Variants in INTS2 observed in about 807,000 individuals in gnomAD.
INTS2 encodes the protein integrator complex subunit 2.
A neutral mutation model predicts 139.6 loss-of-function variants in INTS2; 57 were observed. The observed-to-expected ratio is 0.41, with a 90% CI of 0.33 to 0.51. The LOEUF is 0.51. Ranked by LOEUF, INTS2 falls within the 20% of genes least tolerant of loss-of-function variation. The pLI, the probability that INTS2 is intolerant of heterozygous loss-of-function variation, is 0.28. For synonymous variants in INTS2, 473 were observed against 493.4 expected (o/e 0.96, Z 0.55); for missense variants, 1,196 against 1,436.7 (o/e 0.83, Z 2.71).
chr17:61,907,683 A>G lies in INTS2; in HGVS notation c.955-49T>C, dbSNP rs1339586079. On this transcript the variant is annotated intron_variant, in intron 7 of 24. Transcript: ENST00000251334. ...AGGAAGAAAGCATGAAGCATTTACT[A>G]AACTAAAAGGGAGCTAAAACATAGC... 3 of 1,465,860 alleles carry G rather than the reference A, an allele frequency of 2.0e-6. No individual in the cohort carries two copies. The Admixed American group carries it at 6.0e-5, about 29-fold the overall frequency. 90.8% of individuals were successfully genotyped at this position (1,465,860 alleles called of 1,614,324 possible).
In INTS2 at chr17:61,876,733, G is replaced by A. The variant is rs889704133; in HGVS notation, c.2456+1154C>T. Among the ~76,000 whole-genome samples, 4 of 152,052 alleles carry A rather than the reference G, an allele frequency of 2.6e-5. No homozygotes were observed. Among genetic ancestry groups the A allele is most frequent in the South Asian group, 2.1e-4 (1 of 4,816 alleles). On this transcript the variant is annotated intron_variant, in intron 18 of 24. Transcript: ENST00000251334. This position sits in a 1 kb window ranked among gnomAD's most constrained non-coding sequence, Gnocchi z 4.1. The stretch of plus-strand genomic sequence containing the variant: ...GCTAAGATTACAGGTGTGGGCCAGT[G>A]CACCCAGCCAAAAAAATGTTAATGA...
chr17:61,902,264 C>T (rs1292216210), intron 9 of INTS2, among the ~76,000 whole-genome samples: 1 of 152,088 alleles, frequency 6.6e-6, no homozygotes, highest in African/African-American at 2.4e-5. Context: ...AACCTGGAAA[C>T]TCATGTCTCT....
intron 5 of INTS2, among the ~76,000 whole-genome samples, chr17:61,916,245 T>C (rs1603382877): frequency 6.6e-6 from 1 of 151,888 alleles, no homozygotes; most frequent in South Asian, 2.1e-4. Flanking sequence ...CCATCCTGGC[T>C]AACACAGTGA....
At chr17:61,886,093 C>G (rs2079226248) in intron 15 of INTS2, among the ~76,000 whole-genome samples, 1 of 152,040 alleles carries the variant, frequency 6.6e-6, no homozygotes, top group African/African-American at 2.4e-5. Context: ...CTCTGTCACC[C>G]AGGCTGGTAT....
Position 61,872,775 on chromosome 17 carries a change from A to G in INTS2, c.2583-315T>C, listed in dbSNP as rs73332559. Among the ~76,000 whole-genome samples the G allele has an allele frequency of 4.5e-3, 678 of 152,350 alleles. 3 individuals carry two copies. Among genetic ancestry groups the G allele is most frequent in the African/African-American group, 0.016 (645 of 41,572 alleles). ...GAAGAAAAACTGTAATACACGTACA[A>G]AAAGCTGATATCCTTTATAGATAAA... On this transcript the variant is annotated intron_variant, in intron 19 of 24. Coordinates refer to ENST00000251334, the MANE Select transcript of INTS2 (RefSeq NM_001351695.2). The surrounding 1 kb of genome is among the most constrained non-coding windows in gnomAD (Gnocchi z 4.8).
intron 14 of INTS2, 59 bp from the exon 15 acceptor site, chr17:61,889,953 T>C (rs1183939472): frequency 9.8e-7 from 1 of 1,024,704 alleles, no homozygotes; most frequent in Non-Finnish European, 1.5e-6. Context: ...GCTTTTTTTT[T>C]TCTTGATAGT....
chr17:61,895,536 T>C (rs972027529), intron 11 of INTS2, among the ~76,000 whole-genome samples, 153 bp from the exon 12 acceptor site: 3 of 152,148 alleles, frequency 2.0e-5, no homozygotes, highest in African/African-American at 7.2e-5. Context: ...AACCCAACAT[T>C]AAAGTGTTAA....
Position 61,926,360 on chromosome 17 carries a change from C to T in INTS2, c.285G>A (p.Gln95=). 2 of 1,595,850 alleles carry T rather than the reference C, an allele frequency of 1.3e-6. No homozygotes were observed. The highest frequency in any genetic ancestry group is 1.7e-6 in the Non-Finnish European group (2 of 1,167,076). ...HALEQDASKE[Q]QLRHKLGGGS... ...ATATAACATAACATTACCTAAGCTG[C>T]TGTTCTTTGCTGGCATCTTGTTCTA... Residue 95 remains glutamine (Q), a synonymous_variant, in exon 2 of 25, where the codon CAG becomes CAA. Transcript: ENST00000251334.
intron 15 of INTS2, among the ~76,000 whole-genome samples, chr17:61,889,059 C>A (rs1267364729): frequency 1.5e-5 from 2 of 132,164 alleles, no homozygotes; most frequent in East Asian, 2.1e-4. Flanking sequence ...AAAAACAAAC[C>A]AAAACAAAAC....
Position 61,897,821 on chromosome 17 carries a change from G to C in INTS2, c.1308-82C>G. The C allele has an allele frequency of 2.0e-6, 2 of 1,004,556 alleles. No individual in the cohort carries two copies. Among genetic ancestry groups the C allele is most frequent in the Non-Finnish European group, 3.0e-6 (2 of 674,036 alleles). 62.2% of individuals were successfully genotyped at this position (1,004,556 alleles called of 1,614,324 possible). On this transcript the variant is annotated intron_variant, in intron 9 of 24. Coordinates refer to ENST00000251334, the MANE Select transcript of INTS2 (RefSeq NM_001351695.2). The surrounding 1 kb of genome is among the most constrained non-coding windows in gnomAD (Gnocchi z 4.4). The stretch of plus-strand genomic sequence containing the variant: ...TAAAAAGCATTCTGAAGTTATTTTT[G>C]GTAGAAATTATTTTTCCTGCCCTAT...
At chr17:61,914,448 C>T (rs2143125505) in intron 5 of INTS2, among the ~76,000 whole-genome samples, 2 of 152,204 alleles carry the variant, frequency 1.3e-5, no homozygotes, top group South Asian at 4.1e-4. Flanking sequence ...GCCTATAATC[C>T]CAGCACTTTG....
rs112364829 is a variant in INTS2, at chr17:61,887,438, G to A, written c.1984+2348C>T. ...GTGGAGGTTGCAGTGAGCTGAGATCGTGCCACTGCACTCTAGCCTGGGCAA... is the reference window on the plus strand; with the variant it reads ...GTGGAGGTTGCAGTGAGCTGAGATCATGCCACTGCACTCTAGCCTGGGCAA... On this transcript the variant is annotated intron_variant, in intron 15 of 24. Coordinates refer to ENST00000251334, the MANE Select transcript of INTS2 (RefSeq NM_001351695.2). Among the ~76,000 whole-genome samples, 442 of 148,704 alleles carry A rather than the reference G, an allele frequency of 3.0e-3. 3 individuals carry two copies. Among genetic ancestry groups the A allele is most frequent in the African/African-American group, 0.01 (415 of 40,126 alleles).
At chr17:61,884,753 A>T (rs561195192) in intron 16 of INTS2, 148 bp downstream of exon 16, 5 of 633,972 alleles carry the variant, frequency 7.9e-6, no homozygotes, top group Non-Finnish European at 1.4e-5. Flanking sequence ...TAACTGAAAT[A>T]ATAGATTTAG....
chr17:61,925,360 C>G (rs1367955053), intron 2 of INTS2, among the ~76,000 whole-genome samples: 9 of 151,992 alleles, frequency 5.9e-5, no homozygotes, highest in Non-Finnish European at 4.4e-5. Flanking sequence ...GCAGGTGGAT[C>G]ACAAGGTTGG....
Position 61,867,389 on chromosome 17 carries a change from C to A in INTS2, c.*168G>T. The A allele has an allele frequency of 4.8e-6, 2 of 420,070 alleles. No homozygotes were observed. Among genetic ancestry groups the A allele is most frequent in the Admixed American group, 4.0e-5 (1 of 24,778 alleles). 26.0% of individuals were successfully genotyped at this position (420,070 alleles called of 1,614,324 possible). A position where few individuals can be genotyped will look rare whatever the true frequency, so the allele number is the denominator to read the frequency against. The stretch of plus-strand genomic sequence containing the variant: ...CAAAGATGTGCCAATCAGAAACAAG[C>A]AAGCATAATTCTCATAAAGTTCTAA... On this transcript the variant is annotated 3_prime_UTR_variant, in exon 25 of 25. Transcript: ENST00000251334. This position sits in a 1 kb window ranked among gnomAD's most constrained non-coding sequence, Gnocchi z 5.6.
Position 61,893,037 on chromosome 17 carries a change from T to C in INTS2, c.1698+728A>G, listed in dbSNP as rs1454705906. Reference sequence around the variant, plus strand: ...ACTTAGGAGGCTGTGGCAGGAGGACTGCTTGAGCCCAGGAGTTTGAGGTTA... The same window carrying C: ...ACTTAGGAGGCTGTGGCAGGAGGACCGCTTGAGCCCAGGAGTTTGAGGTTA... On this transcript the variant is annotated intron_variant, in intron 13 of 24. Coordinates refer to ENST00000251334, the MANE Select transcript of INTS2 (RefSeq NM_001351695.2). The surrounding 1 kb of genome is among the most constrained non-coding windows in gnomAD (Gnocchi z 5.4). 2.7e-5 allele frequency among the ~76,000 whole-genome samples: 4 copies of C among 149,730 alleles called. No individual in the cohort carries two copies. The highest frequency in any genetic ancestry group is 1.3e-4 in the Admixed American group (2 of 14,974).
rs570795960 is a variant in INTS2, at chr17:61,922,138, A to T, written c.433-311T>A. 1.4e-4 allele frequency among the ~76,000 whole-genome samples: 22 copies of T among 152,274 alleles called. No homozygotes were observed. In the South Asian group the frequency reaches 4.1e-3, roughly 29 times the overall value. ...AAATGCAGCCTACATAAACTGCTTT[A>T]AAAAAGCCAAGAACAGTCAACCTAA... On this transcript the variant is annotated intron_variant, in intron 3 of 24. Transcript: ENST00000251334.
At position 61,911,615 on chromosome 17, in the gene INTS2, C is replaced by T. The variant is rs1192638710; in HGVS notation, c.859G>A (p.Val287Met). Residue 287 changes from valine to methionine, a missense_variant, in exon 7 of 25, where the codon GTG (valine) becomes ATG (methionine). Transcript: ENST00000251334. Reference sequence around the variant, plus strand: ...CTTACAAAACAAACCAAGTCACTCACTCCATCCTCACAAGCTTCATTTTTA... The same window carrying T: ...CTTACAAAACAAACCAAGTCACTCATTCCATCCTCACAAGCTTCATTTTTA... ...HTKNEACEDG[V>M]SDLVCFVSGL... 4 of 1,613,814 alleles carry T rather than the reference C, an allele frequency of 2.5e-6. No homozygotes were observed. In the Admixed American group the frequency reaches 6.7e-5, roughly 27 times the overall value.
chr17:61,871,215 G>T lies in INTS2; in HGVS notation c.2778+1050C>A, dbSNP rs981632880. ...AGCTCACTGCAACCTCCGCCTCCCG[G>T]GTTCAAGCCATTCTCCTGCCTCAGC... On this transcript the variant is annotated intron_variant, in intron 20 of 24. Coordinates refer to ENST00000251334, the MANE Select transcript of INTS2 (RefSeq NM_001351695.2). The surrounding 1 kb of genome is among the most constrained non-coding windows in gnomAD (Gnocchi z 4.9). 9.2e-5 allele frequency among the ~76,000 whole-genome samples: 14 copies of T among 152,126 alleles called. No individual in the cohort carries two copies. The highest frequency in any genetic ancestry group is 2.9e-4 in the African/African-American group (12 of 41,418).
Sources: allele counts gnomAD v4.1 joint callset (sites outside exome capture counted in the v4.1 genomes callset), GRCh38; gene constraint gnomAD v4.1.1; non-coding constraint Gnocchi (gnomAD v3.1); transcripts MANE v1.5; gene names NCBI Gene and HGNC (gene_info 2026-07-23, HGNC 2026-07-21).